The following PHACTR1 variants were observed in gnomAD, a reference collection of about 807,000 sequenced individuals.
The protein encoded by PHACTR1 is phosphatase and actin regulator 1.
Under a neutral mutation model 69.2 loss-of-function variants are expected in PHACTR1, and 16 were observed. The observed-to-expected ratio is 0.23, with a 90% CI of 0.16 to 0.35. PHACTR1 has a LOEUF of 0.35. Among genes scored for constraint, PHACTR1 ranks in the 10% least tolerant of loss-of-function variants. The pLI is 1.00. For synonymous variants in PHACTR1, 312 were observed against 284.5 expected, an observed-to-expected ratio of 1.10 and a Z score of -0.97; for missense variants, 510 against 734.7, an observed-to-expected ratio of 0.69 and a Z score of 3.54.
chr6:12,731,583 C>T (rs1382361301), intron 3 of PHACTR1, among the ~76,000 whole-genome samples: 1 of 152,180 alleles, frequency 6.6e-6, no homozygotes, highest in Admixed American at 6.5e-5. Flanking sequence ...CAGACTCAGA[C>T]TATGTGCCAA....
intron 4 of PHACTR1, among the ~76,000 whole-genome samples, chr6:12,898,069 C>T (rs1031270641): frequency 2.0e-5 from 3 of 152,112 alleles, no homozygotes; most frequent in Non-Finnish European, 2.9e-5. Context: ...ACTGAACTTC[C>T]GGGGCAGCAT....
intron 4 of PHACTR1, among the ~76,000 whole-genome samples, chr6:13,037,437 G>A (rs1352829023): frequency 3.9e-5 from 6 of 152,190 alleles, no homozygotes; most frequent in African/African-American, 1.2e-4. Context: ...TTGGAGCACA[G>A]TCTGGGTTAT....
In PHACTR1 at chr6:12,749,721, C is replaced by T. The variant is rs759309026; in HGVS notation, c.181C>T (p.Arg61Trp). The T allele has an allele frequency of 6.2e-7, 1 of 1,612,364 alleles. No homozygotes were observed. The highest frequency in any genetic ancestry group is 8.5e-7 in the Non-Finnish European group (1 of 1,179,702). ...SEDDIDRRPI[R>W]RVRSKSDTPY... is the part of the protein sequence containing the mutation. ...GGATGATATAGACCGGCGGCCCATCCGGAGAGTGCGCTCCAAGAGCGACAC... is the reference window on the plus strand; with the variant it reads ...GGATGATATAGACCGGCGGCCCATCTGGAGAGTGCGCTCCAAGAGCGACAC... Residue 61 changes from arginine to tryptophan, a missense_variant, in exon 4 of 15, where the codon CGG becomes TGG. Arg to Trp is a moderately radical substitution (Grantham distance 101). Coordinates refer to ENST00000332995, the MANE Select transcript of PHACTR1 (RefSeq NM_030948.6).
intron 4 of PHACTR1, among the ~76,000 whole-genome samples, chr6:13,019,987 G>T (rs1185458543): frequency 6.6e-6 from 1 of 152,218 alleles, no homozygotes; most frequent in Non-Finnish European, 1.5e-5. Context: ...GGTACTGCTG[G>T]TGGACAGGCT....
intron 10 of PHACTR1, among the ~76,000 whole-genome samples, chr6:13,248,625 C>T (rs999648547): frequency 2.0e-5 from 3 of 152,084 alleles, no homozygotes; most frequent in Non-Finnish European, 4.4e-5. Context: ...ATCGCAAAGC[C>T]CCAAAGTGAG....
intron 5 of PHACTR1, among the ~76,000 whole-genome samples, chr6:13,135,022 A>G (rs1821328515): frequency 6.6e-6 from 1 of 152,152 alleles, no homozygotes; most frequent in African/African-American, 2.4e-5. Flanking sequence ...AAAATTGCCA[A>G]TTCTTCCATT....
chr6:13,163,870 T>G (rs1029006384), intron 6 of PHACTR1, among the ~76,000 whole-genome samples: 1 of 152,222 alleles, frequency 6.6e-6, no homozygotes, highest in South Asian at 2.1e-4. Flanking sequence ...TAACAGTGAC[T>G]TTATAGCAAT....
chr6:13,040,760 T>C (rs1036452206), intron 4 of PHACTR1, among the ~76,000 whole-genome samples: 2 of 152,216 alleles, frequency 1.3e-5, no homozygotes, highest in Non-Finnish European at 2.9e-5. Flanking sequence ...ACCCACAAAA[T>C]GCCACTTATT....
chr6:13,067,129 A>C (rs1025907487), intron 5 of PHACTR1, among the ~76,000 whole-genome samples: 1 of 152,218 alleles, frequency 6.6e-6, no homozygotes, highest in Non-Finnish European at 1.5e-5. Context: ...CAGCAGGAGC[A>C]ATCTTCTGTT....
At chr6:12,766,412 GA>G (rs1173054294) in intron 4 of PHACTR1, among the ~76,000 whole-genome samples, 1 of 152,118 alleles carries the variant, frequency 6.6e-6, no homozygotes. Flanking sequence ...AGGTCCATAA[GA>G]AGAGAAAAAC....
intron 4 of PHACTR1, among the ~76,000 whole-genome samples, chr6:12,909,000 G>A (rs917729845): frequency 3.3e-5 from 5 of 152,140 alleles, no homozygotes; most frequent in African/African-American, 9.7e-5. Flanking sequence ...GAGACGGTGG[G>A]GGGAAACAGA....
chr6:13,104,290 G>T (rs1033113104), intron 5 of PHACTR1, among the ~76,000 whole-genome samples: 2 of 151,904 alleles, frequency 1.3e-5, no homozygotes, highest in Non-Finnish European at 2.9e-5. Flanking sequence ...CATAGGAAAG[G>T]TAAAAAAGAA....
intron 4 of PHACTR1, among the ~76,000 whole-genome samples, chr6:12,812,716 A>G (rs1011188): frequency 0.062 from 9,389 of 152,278 alleles, 411 homozygotes; most frequent in Admixed American, 0.1. Context: ...CGAGCACAAC[A>G]TTTCAGAGTA....
At position 13,277,861 on chromosome 6, in the gene PHACTR1, A is replaced by G. The variant is rs1779256291; in HGVS notation, c.1448-407A>G. The G allele has an allele frequency of 2.5e-5, 4 of 158,930 alleles. No homozygotes were observed. In the South Asian group the frequency reaches 6.8e-4, roughly 27 times the overall value. The allele number at this position is 158,930 out of a possible 1,614,324, so 9.8% of individuals were successfully genotyped here. A position where few individuals can be genotyped will look rare whatever the true frequency, so the allele number is the denominator to read the frequency against. ...GCTACTTGGGAGGCCGAAGTAGGAGAATCACTTGAGCCCAGGAGTTCCAGG... is the reference window on the plus strand; with the variant it reads ...GCTACTTGGGAGGCCGAAGTAGGAGGATCACTTGAGCCCAGGAGTTCCAGG... On this transcript the variant is annotated intron_variant, in intron 11 of 14. Transcript: ENST00000332995.
At chr6:12,814,695 G>T (rs1436140911) in intron 4 of PHACTR1, among the ~76,000 whole-genome samples, 1 of 118,074 alleles carries the variant, frequency 8.5e-6, no homozygotes, top group Non-Finnish European at 1.8e-5. Context: ...TTCTACAAAT[G>T]GAAGAAAAAA....
intron 5 of PHACTR1, among the ~76,000 whole-genome samples, chr6:13,105,214 C>CA (rs373234106): frequency 7.9e-5 from 12 of 152,010 alleles, no homozygotes; most frequent in Non-Finnish European, 1.5e-4. Flanking sequence ...CTTGTCTCTA[C>CA]AAAAAAATTT....
chr6:13,008,598 C>T (rs1166522763), intron 4 of PHACTR1, among the ~76,000 whole-genome samples: 1 of 152,070 alleles, frequency 6.6e-6, no homozygotes. Context: ...CTAGCATCTG[C>T]AAAAAACAAA....
chr6:12,736,250 T>A (rs1355596319), intron 3 of PHACTR1, among the ~76,000 whole-genome samples: 2 of 152,232 alleles, frequency 1.3e-5, no homozygotes, highest in East Asian at 3.8e-4. Flanking sequence ...ATGATATTCA[T>A]CCCCATCATT....
chr6:13,089,129 T>C (rs1164187359), intron 5 of PHACTR1, among the ~76,000 whole-genome samples: 1 of 152,142 alleles, frequency 6.6e-6, no homozygotes, highest in African/African-American at 2.4e-5. Context: ...CTGAACAAGA[T>C]TACAAACACA....
Sources: gnomAD v4.1 joint callset for allele counts (sites outside exome capture counted in the v4.1 genomes callset) on GRCh38, gnomAD v4.1.1 for gene constraint, MANE v1.5 for transcripts, NCBI Gene and HGNC (gene_info 2026-07-23, HGNC 2026-07-21) for gene names.